The following DPP10 variants were observed in gnomAD, a reference collection of about 807,000 sequenced individuals.
DPP10 encodes inactive dipeptidyl peptidase 10.
DPP10 carries 33 observed loss-of-function variants against 120.9 expected under a neutral mutation model. The ratio of observed to expected loss-of-function variants is 0.27; its 90% CI spans 0.21 to 0.37. DPP10 has a LOEUF of 0.37. DPP10 is among the 10% of genes least tolerant of loss of function. The pLI, the probability that DPP10 is intolerant of heterozygous loss-of-function variation, is 1.00. For synonymous variants in DPP10, 337 were observed against 326.1 expected, an observed-to-expected ratio of 1.03 and a Z score of -0.36; for missense variants, 816 against 942.8, an observed-to-expected ratio of 0.87 and a Z score of 1.76.
rs986433153 is a variant in DPP10, at chr2:115,736,670, C to CA, written c.698-3063dup. ...ATGTGCCTTCCTCATTACATTATCTCAAAAAAGGAAATATTTTGTGGCAAA... is the reference window on the plus strand; with the variant it reads ...ATGTGCCTTCCTCATTACATTATCTCAAAAAAAGGAAATATTTTGTGGCAAA... On this transcript the variant is annotated intron_variant, in intron 8 of 25. Coordinates refer to ENST00000410059, the MANE Select transcript of DPP10 (RefSeq NM_020868.6). Among the ~76,000 whole-genome samples, 5 of 151,678 alleles carry CA rather than the reference C, an allele frequency of 3.3e-5. 1 individual carries two copies. Among genetic ancestry groups the CA allele is most frequent in the Admixed American group, 3.3e-4 (5 of 15,214 alleles).
At chr2:114,445,564 G>GTGTT (rs1433816148) in intron 1 of DPP10, among the ~76,000 whole-genome samples, 1 of 151,552 alleles carries the variant, frequency 6.6e-6, no homozygotes, top group East Asian at 1.9e-4. Context: ...GTGTGTGTGT[G>GTGTT]TGTGTGTGTG....
At chr2:114,898,538 A>G (rs1318059620) in intron 1 of DPP10, among the ~76,000 whole-genome samples, 1 of 152,198 alleles carries the variant, frequency 6.6e-6, no homozygotes, top group Admixed American at 6.5e-5. Context: ...GGTAGGAAAT[A>G]AATAGTATAG....
chr2:115,529,525 T>C (rs573836723), intron 5 of DPP10, among the ~76,000 whole-genome samples: 5 of 152,052 alleles, frequency 3.3e-5, no homozygotes, highest in African/African-American at 1.2e-4. Flanking sequence ...TGCAAGATCA[T>C]TGAAATCTTT....
At chr2:114,614,916 C>A (rs1345332399) in intron 1 of DPP10, among the ~76,000 whole-genome samples, 2 of 152,130 alleles carry the variant, frequency 1.3e-5, no homozygotes, top group Non-Finnish European at 2.9e-5. Flanking sequence ...CCCAATAAAC[C>A]ACCAGATTGA....
At chr2:115,685,413 G>A (rs2090933195) in intron 5 of DPP10, among the ~76,000 whole-genome samples, 1 of 151,922 alleles carries the variant, frequency 6.6e-6, no homozygotes, top group Non-Finnish European at 1.5e-5. Context: ...ATTGAACCAT[G>A]ACCTACAACA....
intron 1 of DPP10, among the ~76,000 whole-genome samples, chr2:114,894,971 T>C (rs1378883953): frequency 2.0e-5 from 3 of 152,166 alleles, no homozygotes; most frequent in Admixed American, 2.0e-4. Flanking sequence ...TCATTGTTTT[T>C]CTTACCAGAA....
chr2:114,503,947 A>G, intron 1 of DPP10, among the ~76,000 whole-genome samples: 1 of 152,216 alleles, frequency 6.6e-6, no homozygotes, highest in East Asian at 1.9e-4. Context: ...ATGTGGGGGA[A>G]AGAATCACAA....
chr2:115,221,552 C>A (rs2057160089), intron 1 of DPP10, among the ~76,000 whole-genome samples: 1 of 152,132 alleles, frequency 6.6e-6, no homozygotes, highest in Non-Finnish European at 1.5e-5. Context: ...AAAATATTTA[C>A]TATCTGGCCC....
At chr2:114,674,295 C>A (rs1233424270) in intron 1 of DPP10, among the ~76,000 whole-genome samples, 3 of 151,846 alleles carry the variant, frequency 2.0e-5, no homozygotes, top group Non-Finnish European at 2.9e-5. Flanking sequence ...TAAGTATTCT[C>A]TAATATTTAA....
intron 1 of DPP10, among the ~76,000 whole-genome samples, chr2:115,298,379 G>T (rs2060979552): frequency 6.6e-6 from 1 of 152,006 alleles, no homozygotes; most frequent in Non-Finnish European, 1.5e-5. Context: ...TGATTCCGAA[G>T]CCACTAACTC....
At chr2:115,696,659 C>T (rs1451750256) in intron 7 of DPP10, among the ~76,000 whole-genome samples, 2 of 152,032 alleles carry the variant, frequency 1.3e-5, no homozygotes, top group East Asian at 3.9e-4. Context: ...GATTTGAAGC[C>T]TTATAAAGAA....
chr2:115,301,092 G>A (rs191261882), intron 1 of DPP10, among the ~76,000 whole-genome samples: 13 of 151,986 alleles, frequency 8.6e-5, no homozygotes. Context: ...CCCCATAGAC[G>A]GGGCTGCTTT....
At chr2:115,072,551 C>T (rs1225137647) in intron 1 of DPP10, among the ~76,000 whole-genome samples, 6 of 152,094 alleles carry the variant, frequency 3.9e-5, no homozygotes, top group African/African-American at 1.4e-4. Context: ...AATTGTGCTC[C>T]AGTGCTATTA....
At chr2:115,178,336 G>A (rs922018300) in intron 1 of DPP10, among the ~76,000 whole-genome samples, 7 of 152,078 alleles carry the variant, frequency 4.6e-5, no homozygotes, top group Non-Finnish European at 8.8e-5. Flanking sequence ...TTCAAAGCCC[G>A]GTTCTGCCAC....
intron 5 of DPP10, among the ~76,000 whole-genome samples, chr2:115,642,563 A>G (rs1348979786): frequency 6.6e-6 from 1 of 151,900 alleles, no homozygotes; most frequent in African/African-American, 2.4e-5. Context: ...CCTAAAATAA[A>G]TTTCCCAATC....
intron 1 of DPP10, among the ~76,000 whole-genome samples, chr2:115,244,486 G>C (rs1162716014): frequency 6.6e-6 from 1 of 151,720 alleles, no homozygotes; most frequent in African/African-American, 2.4e-5. Flanking sequence ...TTAAAACAGA[G>C]CTTTGTCTGT....
chr2:114,676,471 T>G (rs1487961299), intron 1 of DPP10, among the ~76,000 whole-genome samples: 1 of 152,112 alleles, frequency 6.6e-6, no homozygotes, highest in African/African-American at 2.4e-5. Context: ...TAATCAAACA[T>G]TGGCACATCG....
intron 1 of DPP10, among the ~76,000 whole-genome samples, chr2:115,029,637 T>C (rs1189706827): frequency 6.6e-6 from 1 of 152,124 alleles, no homozygotes; most frequent in Non-Finnish European, 1.5e-5. Context: ...TTGGTTCTTA[T>C]AGGATATGTT....
At chr2:115,100,428 G>A (rs1317459582) in intron 1 of DPP10, among the ~76,000 whole-genome samples, 1 of 151,880 alleles carries the variant, frequency 6.6e-6, no homozygotes, top group Non-Finnish European at 1.5e-5. Flanking sequence ...TAGCCGCTGA[G>A]TGACAGAATG....
Sources: allele counts gnomAD v4.1 joint callset (sites outside exome capture counted in the v4.1 genomes callset), GRCh38; gene constraint gnomAD v4.1.1; transcripts MANE v1.5; gene names NCBI Gene and HGNC (gene_info 2026-07-23, HGNC 2026-07-21).